SUGCT: variants seen among roughly 807,000 people sequenced by gnomAD.
The protein encoded by SUGCT is succinyl-CoA:glutarate-CoA transferase.
Under a neutral mutation model 55.0 loss-of-function variants are expected in SUGCT, and 41 were observed. That is an observed-to-expected ratio of 0.74 (90% CI 0.58 to 0.97). The LOEUF (loss-of-function observed/expected upper bound fraction) is 0.97. Among genes scored for constraint, SUGCT ranks in the 50% least tolerant of loss-of-function variants. The pLI is 0.00. For missense variants in SUGCT, 568 were observed against 547.8 expected (o/e 1.04, Z -0.37); for synonymous variants, 187 against 200.4 (o/e 0.93, Z 0.56).
At chr7:40,764,572 GGAAGGTTAAAAAAAAATAAGT>G (rs1334029583) in intron 13 of SUGCT, among the ~76,000 whole-genome samples, 1 of 151,854 alleles carries the variant, frequency 6.6e-6, no homozygotes, top group Non-Finnish European at 1.5e-5. Flanking sequence ...AGACCTGACA[GGAAGGTTAAAAAAAAATAAGT>G]GACTTAAACA....
intron 6 of SUGCT, 83 bp downstream of exon 6, chr7:40,195,143 CTT>C (rs11326652): frequency 0.032 from 33,271 of 1,051,520 alleles, no homozygotes; most frequent in South Asian, 0.055. Flanking sequence ...CTTTTGCTGG[CTT>C]TTTTTTTTTT....
At chr7:40,731,958 G>A (rs1362932740) in intron 12 of SUGCT, among the ~76,000 whole-genome samples, 2 of 152,116 alleles carry the variant, frequency 1.3e-5, no homozygotes, top group East Asian at 3.9e-4. Context: ...TTAGATAGGG[G>A]TACATGAATT....
chr7:40,295,178 A>G (rs1794042752), intron 8 of SUGCT, among the ~76,000 whole-genome samples: 1 of 152,252 alleles, frequency 6.6e-6, no homozygotes, highest in Non-Finnish European at 1.5e-5. Flanking sequence ...CCAAAATGAT[A>G]CAAATGTATA....
chr7:40,938,941 TC>T, the SUGCT span, among the ~76,000 whole-genome samples: 1 of 152,170 alleles, frequency 6.6e-6, no homozygotes, highest in Admixed American at 6.5e-5. Flanking sequence ...TTACGTTGGA[TC>T]CACATCTTTG....
intron 9 of SUGCT, 28 bp downstream of exon 9, chr7:40,316,883 C>T (rs1795463238): frequency 1.6e-6 from 2 of 1,238,174 alleles, no homozygotes; most frequent in Admixed American, 5.2e-5. Flanking sequence ...TAGGGTTGGG[C>T]TGTTGTAATT....
chr7:40,640,562 A>G (rs1800225574), intron 12 of SUGCT, among the ~76,000 whole-genome samples: 1 of 152,322 alleles, frequency 6.6e-6, no homozygotes, highest in East Asian at 1.9e-4. Flanking sequence ...ATTTCTTATT[A>G]TATGGATTGA....
chr7:40,800,265 G>T (rs1356630407), intron 13 of SUGCT, among the ~76,000 whole-genome samples: 1 of 150,924 alleles, frequency 6.6e-6, no homozygotes, highest in Non-Finnish European at 1.5e-5. Flanking sequence ...TGGGGGCAGG[G>T]TTGGGGTGTC....
the SUGCT span, among the ~76,000 whole-genome samples, chr7:40,876,542 A>G: frequency 7.9e-5 from 12 of 152,342 alleles, no homozygotes; most frequent in Admixed American, 4.6e-4. Context: ...CCATGTGTAT[A>G]CCAAGTTGAA....
intron 9 of SUGCT, among the ~76,000 whole-genome samples, chr7:40,362,205 G>T (rs1798189994): frequency 6.6e-6 from 1 of 152,008 alleles, no homozygotes; most frequent in East Asian, 1.9e-4. Context: ...GATGACCTGA[G>T]GTCAGGAGTT....
the SUGCT span, among the ~76,000 whole-genome samples, chr7:40,886,477 G>A: frequency 3.3e-4 from 51 of 152,316 alleles, no homozygotes; most frequent in East Asian, 9.1e-3. Flanking sequence ...GGCTTCCACA[G>A]TGGCTAAATA....
chr7:40,988,879 T>C, the SUGCT span, among the ~76,000 whole-genome samples: 8 of 114,118 alleles, frequency 7.0e-5, no homozygotes, highest in African/African-American at 2.4e-4. Flanking sequence ...TTCTAGCACA[T>C]TCTTAATTTT....
chr7:40,525,185 T>C (rs549983070), intron 12 of SUGCT, among the ~76,000 whole-genome samples: 105 of 152,318 alleles, frequency 6.9e-4, no homozygotes, highest in Non-Finnish European at 1.1e-3. Flanking sequence ...TTAATGCCTA[T>C]TCTCACGTTG....
chr7:40,734,806 C>T (rs1049532785), intron 12 of SUGCT, among the ~76,000 whole-genome samples: 3 of 152,146 alleles, frequency 2.0e-5, no homozygotes, highest in Non-Finnish European at 2.9e-5. Context: ...ATGTTTGCCT[C>T]AATGGCTTCT....
the SUGCT span, among the ~76,000 whole-genome samples, chr7:41,019,310 T>C: frequency 6.6e-6 from 1 of 152,226 alleles, no homozygotes; most frequent in South Asian, 2.1e-4. Flanking sequence ...CCGATTTACA[T>C]GTCATCCACA....
chr7:40,377,140 T>G (rs935775930), intron 9 of SUGCT, among the ~76,000 whole-genome samples: 1 of 12,944 alleles, frequency 7.7e-5, no homozygotes, highest in East Asian at 1.1e-3. Context: ...CTTTCTTTCT[T>G]TCTTTCTTTC....
chr7:40,974,228 C>T, the SUGCT span, among the ~76,000 whole-genome samples: 13 of 152,264 alleles, frequency 8.5e-5, no homozygotes, highest in East Asian at 2.5e-3. Context: ...TGCCCTGCTA[C>T]CAAAGCAGGA....
intron 7 of SUGCT, among the ~76,000 whole-genome samples, chr7:40,246,022 A>G (rs1241938538): frequency 6.6e-6 from 1 of 151,776 alleles, no homozygotes; most frequent in African/African-American, 2.4e-5. Flanking sequence ...TTTTGTAGAG[A>G]TGGGGTCTCT....
At position 40,467,770 on chromosome 7, in the gene SUGCT, C is replaced by T. The variant is rs574692250; in HGVS notation, c.986+8572C>T. ...CAATCAGACATCCTAATAAGGATGA[C>T]GTAACTAGTATTATAGTAGTAATTT... On this transcript the variant is annotated intron_variant, in intron 11 of 13. Coordinates refer to ENST00000335693, the MANE Select transcript of SUGCT (RefSeq NM_001193313.2). Among the ~76,000 whole-genome samples, 12 of 152,030 alleles carry T rather than the reference C, an allele frequency of 7.9e-5. No individual in the cohort carries two copies. In the South Asian group the frequency reaches 2.1e-3, roughly 26 times the overall value.
intron 8 of SUGCT, among the ~76,000 whole-genome samples, chr7:40,300,735 C>A (rs921295724): frequency 1.3e-5 from 2 of 152,156 alleles, no homozygotes; most frequent in African/African-American, 4.8e-5. Context: ...ATCTTAAAAG[C>A]CATCCAGTTT....
Sources: gnomAD v4.1 joint callset for allele counts (sites outside exome capture counted in the v4.1 genomes callset) on GRCh38, gnomAD v4.1.1 for gene constraint, MANE v1.5 for transcripts, NCBI Gene and HGNC (gene_info 2026-07-23, HGNC 2026-07-21) for gene names.